The following NAALADL2 variants were observed in gnomAD, a reference collection of about 807,000 sequenced individuals.
NAALADL2 encodes inactive N-acetylated-alpha-linked acidic dipeptidase-like protein 2.
A neutral mutation model predicts 87.2 loss-of-function variants in NAALADL2; 76 were observed. That is an observed-to-expected ratio of 0.87 (90% confidence interval 0.72 to 1.05). The LOEUF (loss-of-function observed/expected upper bound fraction) is 1.05. Among genes scored for constraint, NAALADL2 ranks in the 50% least tolerant of loss-of-function variants. The pLI, the probability that NAALADL2 is intolerant of heterozygous loss-of-function variation, is 0.00. For missense variants in NAALADL2, 1,089 were observed against 945.8 expected, an observed-to-expected ratio of 1.15 and a Z score of -1.99; for synonymous variants, 354 against 331.0, an observed-to-expected ratio of 1.07 and a Z score of -0.75.
intron 1 of NAALADL2, among the ~76,000 whole-genome samples, chr3:174,470,242 A>T (rs1716814630): frequency 6.6e-6 from 1 of 152,076 alleles, no homozygotes; most frequent in African/African-American, 2.4e-5. Context: ...CATCTCTTTG[A>T]TGATTAGTGA....
chr3:174,456,111 T>C (rs1577950920), intron 1 of NAALADL2, among the ~76,000 whole-genome samples: 1 of 152,048 alleles, frequency 6.6e-6, no homozygotes, highest in Admixed American at 6.5e-5. Context: ...CCATTCACAG[T>C]TGCCACAAAA....
intron 9 of NAALADL2, among the ~76,000 whole-genome samples, chr3:175,505,179 T>C (rs1730125679): frequency 6.6e-6 from 1 of 151,744 alleles, no homozygotes; most frequent in South Asian, 2.1e-4. Context: ...GCAAGAGGAT[T>C]GCTTGAGCTC....
intron 11 of NAALADL2, chr3:175,675,688 C>T (rs1372074980): frequency 6.6e-6 from 1 of 152,036 alleles, no homozygotes; most frequent in Non-Finnish European, 1.5e-5. Flanking sequence ...AGGAACTTTC[C>T]CATGTTTGAA....
At chr3:175,392,843 C>G (rs1261865144) in intron 5 of NAALADL2, among the ~76,000 whole-genome samples, 1 of 152,152 alleles carries the variant, frequency 6.6e-6, no homozygotes, top group African/African-American at 2.4e-5. Context: ...TTAGTGAGCA[C>G]AGGACAAACC....
At chr3:175,652,180 G>A (rs1287181555) in intron 11 of NAALADL2, among the ~76,000 whole-genome samples, 1 of 152,244 alleles carries the variant, frequency 6.6e-6, no homozygotes, top group East Asian at 1.9e-4. Context: ...TTTTCAGTGA[G>A]TTCCCACTCT....
intron 9 of NAALADL2, among the ~76,000 whole-genome samples, chr3:175,517,131 C>G (rs1238321756): frequency 6.6e-6 from 1 of 152,112 alleles, no homozygotes; most frequent in Non-Finnish European, 1.5e-5. Flanking sequence ...GACATTGTAT[C>G]CCAGTCTATG....
chr3:174,443,428 T>TA (rs957953103), intron 1 of NAALADL2, among the ~76,000 whole-genome samples: 2 of 152,182 alleles, frequency 1.3e-5, no homozygotes, highest in African/African-American at 4.8e-5. Flanking sequence ...ACTGGAAAGA[T>TA]AAGAGTTTCT....
intron 11 of NAALADL2, among the ~76,000 whole-genome samples, chr3:175,704,779 G>A (rs1053052757): frequency 1.2e-4 from 18 of 152,078 alleles, no homozygotes; most frequent in Non-Finnish European, 1.9e-4. Context: ...CTGTTTCTGC[G>A]CTAATGCTTC....
intron 9 of NAALADL2, among the ~76,000 whole-genome samples, chr3:175,478,386 T>C (rs1726007990): frequency 6.6e-6 from 1 of 151,982 alleles, no homozygotes; most frequent in East Asian, 1.9e-4. Flanking sequence ...TACAAGGTTT[T>C]GCTTTGTGTT....
At chr3:174,777,925 T>C (rs1715417904) in intron 3 of NAALADL2, among the ~76,000 whole-genome samples, 1 of 152,070 alleles carries the variant, frequency 6.6e-6, no homozygotes, top group Non-Finnish European at 1.5e-5. Context: ...CTTTAGAATA[T>C]CAGAAAGTCA....
chr3:175,176,154 G>A (rs1308125827), intron 2 of NAALADL2, among the ~76,000 whole-genome samples: 1 of 151,874 alleles, frequency 6.6e-6, no homozygotes, highest in African/African-American at 2.4e-5. Context: ...TATATATTTT[G>A]TGGCCAGAGA....
chr3:175,355,650 C>T (rs1467105611), intron 5 of NAALADL2, among the ~76,000 whole-genome samples: 1 of 152,128 alleles, frequency 6.6e-6, no homozygotes, highest in East Asian at 1.9e-4. Context: ...AAATCCTGCT[C>T]TTTCTCATCT....
At chr3:175,459,429 T>C (rs1438185214) in intron 6 of NAALADL2, among the ~76,000 whole-genome samples, 4 of 150,024 alleles carry the variant, frequency 2.7e-5, no homozygotes, top group African/African-American at 7.4e-5. Flanking sequence ...AAAGGATAAA[T>C]AGAGAAATAC....
chr3:175,381,553 T>A (rs1767787239), intron 5 of NAALADL2, among the ~76,000 whole-genome samples: 2 of 152,144 alleles, frequency 1.3e-5, no homozygotes, highest in African/African-American at 4.8e-5. Context: ...TAAGTGCTCT[T>A]TTTACTAATG....
chr3:175,489,805 C>A (rs1342326411), intron 9 of NAALADL2, among the ~76,000 whole-genome samples: 1 of 152,090 alleles, frequency 6.6e-6, no homozygotes, highest in African/African-American at 2.4e-5. Context: ...ACTCCAAAAC[C>A]AAATATACTC....
chr3:174,811,255 C>T (rs1339282642), intron 3 of NAALADL2, among the ~76,000 whole-genome samples: 1 of 152,286 alleles, frequency 6.6e-6, no homozygotes, highest in African/African-American at 2.4e-5. Context: ...GTCCTCCAGA[C>T]CCCAGAATGG....
intron 1 of NAALADL2, among the ~76,000 whole-genome samples, chr3:174,953,130 T>C (rs886731982): frequency 6.6e-6 from 1 of 151,996 alleles, no homozygotes; most frequent in Admixed American, 6.6e-5. Flanking sequence ...CAGGAAGGTC[T>C]AGAAATGTGC....
intron 2 of NAALADL2, among the ~76,000 whole-genome samples, chr3:174,681,539 A>AC (rs1214913767): frequency 6.6e-6 from 1 of 152,006 alleles, no homozygotes; most frequent in Admixed American, 6.5e-5. Flanking sequence ...GAAACCTGAT[A>AC]CCCCCATTCC....
At chr3:175,166,755 G>C (rs1734067044) in intron 2 of NAALADL2, among the ~76,000 whole-genome samples, 1 of 151,858 alleles carries the variant, frequency 6.6e-6, no homozygotes, top group East Asian at 1.9e-4. Context: ...CAAATTTCAG[G>C]TTCTATTATC....
Sources: gnomAD v4.1 joint callset for allele counts (sites outside exome capture counted in the v4.1 genomes callset) on GRCh38, gnomAD v4.1.1 for gene constraint, MANE v1.5 for transcripts, NCBI Gene and HGNC (gene_info 2026-07-23, HGNC 2026-07-21) for gene names.